The following PNPLA7 variants were observed in gnomAD, a reference collection of about 807,000 sequenced individuals.
PNPLA7 encodes patatin like domain 7, lysophospholipase, also known as patatin-like phospholipase domain-containing protein 7.
PNPLA7 carries 153 observed loss-of-function variants against 161.7 expected under a neutral mutation model. The observed-to-expected ratio is 0.95, with a 90% CI of 0.83 to 1.08. PNPLA7 has a LOEUF of 1.08. Among genes scored for constraint, PNPLA7 ranks in the 50% least tolerant of loss-of-function variants. The pLI is 0.00. For synonymous variants in PNPLA7, 809 were observed against 782.1 expected (o/e 1.03, Z -0.57); for missense variants, 1,739 against 1,856.6 (o/e 0.94, Z 1.16).
At chr9:137,546,966 G>A (rs1836564655) in intron 3 of PNPLA7, 57 bp from the exon 4 acceptor site, 2 of 1,519,976 alleles carry the variant, frequency 1.3e-6, no homozygotes, top group East Asian at 2.3e-5. Flanking sequence ...CCTGGTCCTG[G>A]ACATGCAGGT....
intron 14 of PNPLA7, among the ~76,000 whole-genome samples, chr9:137,502,491 TGGA>T: frequency 6.8e-6 from 1 of 146,808 alleles, no homozygotes; most frequent in South Asian, 2.2e-4. Context: ...GAGAAAGAGA[TGGA>T]GGAGGATGAG....
rs1202801710 is a variant in PNPLA7, at chr9:137,484,729, C to T, written c.2205G>A (p.Gln735=). 1.2e-5 allele frequency: 20 copies of T among 1,608,156 alleles called. No homozygotes were observed. Among genetic ancestry groups the T allele is most frequent in the Non-Finnish European group, 1.5e-5 (18 of 1,177,138 alleles). The change falls in exon 21 of 35, where the codon CAG becomes CAA. Residue 735 remains glutamine, a synonymous_variant. Coordinates refer to ENST00000406427, the MANE Select transcript of PNPLA7 (RefSeq NM_001098537.3). ...TGCTGCCCTCCGTGGGGAGCCCAAG[C>T]TGGTGGCCTGTGGAGCAAAGGACCC... ...SLQQGPVTGH[Q]LGLPTEGSKW...
chr9:137,549,296 G>A (rs536887284), intron 1 of PNPLA7, among the ~76,000 whole-genome samples: 22 of 151,864 alleles, frequency 1.4e-4, no homozygotes, highest in Admixed American at 8.5e-4. Context: ...GGCCGGGCAC[G>A]GTGGCTCATG....
intron 32 of PNPLA7, 55 bp downstream of exon 32, chr9:137,461,876 C>T (rs982515396): frequency 6.9e-7 from 1 of 1,442,214 alleles, no homozygotes; most frequent in Non-Finnish European, 9.3e-7. Flanking sequence ...GGGCGTGGCC[C>T]GAAGAACTGG....
In PNPLA7 at chr9:137,542,624, C is replaced by T. The variant is rs755696062; in HGVS notation, c.666+18G>A. On this transcript the variant is annotated intron_variant, in intron 7 of 34. Transcript: ENST00000406427. ...AATGCGCAGCCGCCTGACCCCGCCCCGCCGCCCTGCGACTCACAGTGTCCT... is the reference window on the plus strand; with the variant it reads ...AATGCGCAGCCGCCTGACCCCGCCCTGCCGCCCTGCGACTCACAGTGTCCT... 4.3e-5 allele frequency: 68 copies of T among 1,572,268 alleles called. 1 individual carries two copies. The South Asian group carries it at 6.0e-4, about 14-fold the overall frequency.
At chr9:137,473,201 G>C (rs139453342) in intron 25 of PNPLA7, among the ~76,000 whole-genome samples, 1 of 152,126 alleles carries the variant, frequency 6.6e-6, no homozygotes, top group African/African-American at 2.4e-5. Flanking sequence ...CAACACATGG[G>C]GATTATGGGA....
Position 137,515,454 on chromosome 9 carries a change from G to A in PNPLA7, c.1150C>T (p.Pro384Ser), listed in dbSNP as rs770910106. The A allele has an allele frequency of 4.4e-6, 7 of 1,593,680 alleles. No homozygotes were observed. The highest frequency in any genetic ancestry group is 1.1e-5 in the South Asian group (1 of 87,768). The part of the protein sequence containing the change: ...LLKRSHSVPA[P>S]SIRKQILEEL... ...TCCAAGATCTGTTTGCGAATGGAAGGCGCGGGGACGGAGTGGCTCCTCTTC... is the reference window on the plus strand; with the variant it reads ...TCCAAGATCTGTTTGCGAATGGAAGACGCGGGGACGGAGTGGCTCCTCTTC... The change falls in exon 12 of 35, where the codon CCT becomes TCT. Residue 384 changes from proline (P) to serine (S), a missense_variant. Pro to Ser is a moderately conservative substitution (Grantham distance 74). Around this residue, in one of 6 missense-constraint regions of PNPLA7, gnomAD observed 481 missense variants for 450.0 expected, o/e 1.07. Coordinates refer to ENST00000406427, the MANE Select transcript of PNPLA7 (RefSeq NM_001098537.3).
Position 137,486,451 on chromosome 9 carries a change from A to G in PNPLA7, c.2198-1715T>C, listed in dbSNP as rs969723728. On this transcript the variant is annotated intron_variant, in intron 20 of 34. Coordinates refer to ENST00000406427, the MANE Select transcript of PNPLA7 (RefSeq NM_001098537.3). This position sits in a 1 kb window ranked among gnomAD's most constrained non-coding sequence, Gnocchi z 6.0. ...GAGCAGGAAAGCTGCAGAGTGGTTT[A>G]TAAATGTGATTCCATTATTAAATAA... is the stretch of plus-strand genomic sequence containing the variant. Among the ~76,000 whole-genome samples the G allele has an allele frequency of 6.6e-6, 1 of 152,332 alleles. No individual in the cohort carries two copies. Among genetic ancestry groups the G allele is most frequent in the African/African-American group, 2.4e-5 (1 of 41,578 alleles).
intron 25 of PNPLA7, 130 bp downstream of exon 25, chr9:137,477,904 A>G: frequency 1.4e-6 from 1 of 723,718 alleles, no homozygotes; most frequent in Non-Finnish European, 1.9e-6. Context: ...CTGGGTCTGG[A>G]CAGGCGGCCT....
chr9:137,463,520 A>G lies in PNPLA7; in HGVS notation c.3238T>C (p.Trp1080Arg), dbSNP rs1891627. ...AGGGACATGCTGGCACGCACGTACC[A>G]CCACAGGGAGCCTGGGGAGGGGGCC... ...MRVHTDGSLWWYVRASMSLSG... is the reference protein window; with the variant it reads ...MRVHTDGSLWRYVRASMSLSG... The change falls in exon 29 of 35, where the codon TGG becomes CGG. Residue 1080 changes from tryptophan to arginine, a missense_variant. By Grantham distance (101) the Trp-to-Arg change is moderately radical. This residue lies in a region of PNPLA7 where 703 missense variants were observed against 694.6 expected (regional missense o/e 1.01). Transcript: ENST00000406427. 1 allele frequency: 1,577,867 copies of G among 1,580,938 alleles called. 787,417 individuals are homozygous for G. Among genetic ancestry groups the G allele is most frequent in the Middle Eastern group, 1 (6,002 of 6,002 alleles).
chr9:137,474,094 C>CTGGGTG (rs748056749), intron 25 of PNPLA7, among the ~76,000 whole-genome samples: 4 of 152,104 alleles, frequency 2.6e-5, no homozygotes, highest in Non-Finnish European at 4.4e-5. Context: ...CAAAAATTAG[C>CTGGGTG]TGGGTGTGGT....
At chr9:137,539,065 A>G (rs891097187) in intron 8 of PNPLA7, among the ~76,000 whole-genome samples, 54 of 151,770 alleles carry the variant, frequency 3.6e-4, no homozygotes, top group African/African-American at 1.3e-3. Context: ...AAAAACAACA[A>G]AATTCAGGCT....
chr9:137,521,934 C>A (rs1835015133), intron 9 of PNPLA7, among the ~76,000 whole-genome samples: 1 of 152,168 alleles, frequency 6.6e-6, no homozygotes, highest in African/African-American at 2.4e-5. Context: ...ATGAAGACTG[C>A]ATTGTTTTTG....
chr9:137,511,470 C>T (rs1200084815), intron 12 of PNPLA7, among the ~76,000 whole-genome samples: 12 of 138,782 alleles, frequency 8.6e-5, no homozygotes, highest in African/African-American at 8.1e-5. Context: ...CGTTACTCAG[C>T]AGACCTTGGT....
intron 8 of PNPLA7, among the ~76,000 whole-genome samples, chr9:137,532,622 G>A (rs1835638113): frequency 6.6e-6 from 1 of 152,186 alleles, no homozygotes; most frequent in Non-Finnish European, 1.5e-5. Flanking sequence ...GGCTGGTGGA[G>A]CCCTCTAAGG....
intron 25 of PNPLA7, among the ~76,000 whole-genome samples, chr9:137,472,715 G>C (rs993161114): frequency 2.7e-5 from 4 of 149,658 alleles, no homozygotes; most frequent in African/African-American, 9.8e-5. Context: ...CCAGCACTTT[G>C]GGAGGCTGAG....
intron 26 of PNPLA7, 95 bp from the exon 27 acceptor site, chr9:137,464,551 A>G: frequency 8.8e-7 from 1 of 1,142,228 alleles, no homozygotes; most frequent in East Asian, 2.4e-5. Context: ...CATGAATGGA[A>G]CGGGGGTCCA....
At chr9:137,532,334 G>A (rs973654201) in intron 8 of PNPLA7, among the ~76,000 whole-genome samples, 1 of 152,108 alleles carries the variant, frequency 6.6e-6, no homozygotes, top group African/African-American at 2.4e-5. Context: ...CTACTCGGGA[G>A]GCTGAAGCAC....
Position 137,541,366 on chromosome 9 carries a change from C to T in PNPLA7, c.667-644G>A. ...TACTGGCTCCAGCTTCCCCCAAGCC[C>T]CTTTCCCTTCTAATAACCCATCAAG... On this transcript the variant is annotated intron_variant, in intron 7 of 34. Coordinates refer to ENST00000406427, the MANE Select transcript of PNPLA7 (RefSeq NM_001098537.3). This position sits in a 1 kb window ranked among gnomAD's most constrained non-coding sequence, Gnocchi z 4.4. 1.0e-6 allele frequency: 1 copy of T among 958,652 alleles called. No homozygotes were observed. Among genetic ancestry groups the T allele is most frequent in the Non-Finnish European group, 1.2e-6 (1 of 805,532 alleles). 59.4% of individuals were successfully genotyped at this position (958,652 alleles called of 1,614,324 possible).
Sources: gnomAD v4.1 joint callset for allele counts (sites outside exome capture counted in the v4.1 genomes callset) on GRCh38, gnomAD v4.1.1 for gene constraint, gnomAD v4.1.1 regional missense constraint, Gnocchi (gnomAD v3.1) non-coding constraint, MANE v1.5 for transcripts, NCBI Gene and HGNC (gene_info 2026-07-23, HGNC 2026-07-21) for gene names.